Variants in RNF220 observed in about 807,000 individuals in gnomAD.
RNF220 encodes E3 ubiquitin-protein ligase RNF220.
In RNF220, 7 loss-of-function variants were observed where a neutral mutation model predicts 67.1. The observed-to-expected ratio is 0.10, with a 90% CI of 0.06 to 0.20. The LOEUF is 0.20. RNF220 is among the 10% of genes least tolerant of loss of function. RNF220 has a pLI of 1.00. For missense variants in RNF220, 565 were observed against 740.3 expected (o/e 0.76, Z 2.75); for synonymous variants, 270 against 283.2 (o/e 0.95, Z 0.47).
chr1:44,432,891 T>C (rs1409545879), intron 2 of RNF220, among the ~76,000 whole-genome samples: 1 of 136,486 alleles, frequency 7.3e-6, no homozygotes, highest in Non-Finnish European at 1.6e-5. Context: ...AAGTTTCAAA[T>C]TGGCTTTTCT....
intron 2 of RNF220, among the ~76,000 whole-genome samples, chr1:44,446,188 A>G (rs1652062095): frequency 6.6e-6 from 1 of 152,264 alleles, no homozygotes; most frequent in East Asian, 1.9e-4. Flanking sequence ...CATCCATCTC[A>G]TGAAGATGAA....
At chr1:44,640,612 C>T (rs1343298553) in intron 8 of RNF220, among the ~76,000 whole-genome samples, 2 of 152,182 alleles carry the variant, frequency 1.3e-5, no homozygotes, top group African/African-American at 4.8e-5. Flanking sequence ...CGAGGAGGCC[C>T]GGAAAGTGGC....
chr1:44,521,496 T>C (rs1659938060), intron 2 of RNF220, among the ~76,000 whole-genome samples: 1 of 152,188 alleles, frequency 6.6e-6, no homozygotes, highest in South Asian at 2.1e-4. Flanking sequence ...GAGCACTCTA[T>C]GAGGAAGTGA....
intron 2 of RNF220, among the ~76,000 whole-genome samples, chr1:44,502,832 C>T (rs991485798): frequency 1.3e-5 from 2 of 152,084 alleles, no homozygotes; most frequent in Middle Eastern, 3.4e-3. Flanking sequence ...GTGATGAGAT[C>T]GTAACTCACT....
chr1:44,458,779 G>A (rs12057674), intron 2 of RNF220, among the ~76,000 whole-genome samples: 39,393 of 152,120 alleles, frequency 0.26, 5,352 homozygotes, highest in South Asian at 0.31. Context: ...AACAATCACA[G>A]TGACTTACAC....
chr1:44,574,575 C>T (rs1406094224), intron 2 of RNF220, among the ~76,000 whole-genome samples: 1 of 152,222 alleles, frequency 6.6e-6, no homozygotes, highest in Non-Finnish European at 1.5e-5. Flanking sequence ...GCCCAAGAGC[C>T]TAAAGCCTGG....
In RNF220 at chr1:44,649,520, T is replaced by G; in HGVS notation, c.1446-141T>G. 1.4e-6 allele frequency: 1 copy of G among 727,472 alleles called. No homozygotes were observed. The highest frequency in any genetic ancestry group is 2.4e-6 in the Non-Finnish European group (1 of 423,080). The allele number at this position is 727,472 out of a possible 1,614,324, so 45.1% of individuals were successfully genotyped here. On this transcript the variant is annotated intron_variant, in intron 12 of 14. Coordinates refer to ENST00000361799, the MANE Select transcript of RNF220 (RefSeq NM_018150.4). The surrounding 1 kb of genome is among the most constrained non-coding windows in gnomAD (Gnocchi z 5.9). ...GTTCTGGAATGTGGAATTTGCAGAT[T>G]CAGGTTATCAGAGAAAGGGGGCAGG...
At chr1:44,550,756 T>G (rs1480823396) in intron 2 of RNF220, among the ~76,000 whole-genome samples, 1 of 152,154 alleles carries the variant, frequency 6.6e-6, no homozygotes, top group Non-Finnish European at 1.5e-5. Context: ...TCCAGCCCGT[T>G]TAGTTCTGAG....
At chr1:44,504,484 G>A (rs1260835732) in intron 2 of RNF220, among the ~76,000 whole-genome samples, 4 of 152,146 alleles carry the variant, frequency 2.6e-5, no homozygotes, top group East Asian at 1.9e-4. Context: ...GCAGAAGTTC[G>A]AGGGGCTGAT....
intron 8 of RNF220, among the ~76,000 whole-genome samples, chr1:44,638,595 T>G (rs1644398892): frequency 6.6e-6 from 1 of 152,226 alleles, no homozygotes; most frequent in Non-Finnish European, 1.5e-5. Context: ...ACCAGGCCCC[T>G]GGAGGTTGGT....
chr1:44,585,332 C>A (rs576666678), intron 2 of RNF220, among the ~76,000 whole-genome samples: 1 of 152,326 alleles, frequency 6.6e-6, no homozygotes, highest in East Asian at 1.9e-4. Context: ...GGAGCTCCAA[C>A]TCTCTTTCAT....
Position 44,622,357 on chromosome 1 carries a change from C to A in RNF220, c.759-385C>A, listed in dbSNP as rs959168333. 6.6e-6 allele frequency among the ~76,000 whole-genome samples: 1 copy of A among 152,218 alleles called. No individual in the cohort carries two copies. The highest frequency in any genetic ancestry group is 2.4e-5 in the African/African-American group (1 of 41,452). The stretch of plus-strand genomic sequence containing the variant: ...GACAAGAGCCCTGTCAGCTCCATCA[C>A]CCCAATCCCACAGGAGCTAAGAGCG... On this transcript the variant is annotated intron_variant, in intron 3 of 14. Transcript: ENST00000361799. The surrounding 1 kb of genome is among the most constrained non-coding windows in gnomAD (Gnocchi z 4.3).
intron 2 of RNF220, among the ~76,000 whole-genome samples, chr1:44,459,967 C>T (rs1476802376): frequency 2.6e-5 from 4 of 151,966 alleles, no homozygotes; most frequent in Admixed American, 1.3e-4. Context: ...GACCCTGAGA[C>T]GAGGATTAGT....
At chr1:44,418,970 T>A (rs1027194771) in intron 2 of RNF220, among the ~76,000 whole-genome samples, 39 of 152,328 alleles carry the variant, frequency 2.6e-4, no homozygotes, top group African/African-American at 8.7e-4. Flanking sequence ...GGACGTGCTC[T>A]TTATAAATAC....
chr1:44,583,849 G>T lies in RNF220; in HGVS notation c.626-30316G>T, dbSNP rs191102058. The stretch of plus-strand genomic sequence containing the variant: ...GCACGCAGTCTAATTTCTCAGTAAA[G>T]ATTTATTGAATTTCTGAATGGATGG... On this transcript the variant is annotated intron_variant, in intron 2 of 14. Transcript: ENST00000361799. Among the ~76,000 whole-genome samples, 19 of 152,308 alleles carry T rather than the reference G, an allele frequency of 1.2e-4. 1 individual carries two copies. Among genetic ancestry groups the T allele is most frequent in the Admixed American group, 7.2e-4 (11 of 15,304 alleles).
intron 2 of RNF220, among the ~76,000 whole-genome samples, chr1:44,462,697 A>G (rs113628111): frequency 0.016 from 2,404 of 152,302 alleles, 75 homozygotes; most frequent in African/African-American, 0.053. Context: ...AGATGCTTCA[A>G]AATTGTTCAC....
chr1:44,559,678 A>G (rs1663412411), intron 2 of RNF220, among the ~76,000 whole-genome samples: 3 of 152,174 alleles, frequency 2.0e-5, no homozygotes, highest in Non-Finnish European at 2.9e-5. Flanking sequence ...CCCTGACTCC[A>G]GGAAGCCAGA....
chr1:44,566,902 T>C (rs940710444), intron 2 of RNF220, among the ~76,000 whole-genome samples: 27 of 152,152 alleles, frequency 1.8e-4, no homozygotes, highest in Non-Finnish European at 3.7e-4. Flanking sequence ...CATCCCCCTG[T>C]GGTTTTCAGA....
At position 44,565,720 on chromosome 1, in the gene RNF220, G is replaced by C. The variant is rs984089066; in HGVS notation, c.626-48445G>C. On this transcript the variant is annotated intron_variant, in intron 2 of 14. Transcript: ENST00000361799. This position sits in a 1 kb window ranked among gnomAD's most constrained non-coding sequence, Gnocchi z 4.2. ...CTGGAGGGGTTTGCATAGATGCTGG[G>C]CTAAAGAGATGCTGCTGGAAGATCT... 3.3e-5 allele frequency among the ~76,000 whole-genome samples: 5 copies of C among 152,182 alleles called. No individual in the cohort carries two copies. The highest frequency in any genetic ancestry group is 3.3e-4 in the Admixed American group (5 of 15,280).
Sources: allele counts gnomAD v4.1 joint callset (sites outside exome capture counted in the v4.1 genomes callset), GRCh38; gene constraint gnomAD v4.1.1; non-coding constraint Gnocchi (gnomAD v3.1); transcripts MANE v1.5; gene names NCBI Gene and HGNC (gene_info 2026-07-23, HGNC 2026-07-21).